PPP3R1: variants seen among roughly 807,000 people sequenced by gnomAD.
PPP3R1 encodes the protein protein phosphatase 3 regulatory subunit B, alpha.
A neutral mutation model predicts 22.6 loss-of-function variants in PPP3R1; 5 were observed. The ratio of observed to expected loss-of-function variants is 0.22; its 90% CI spans 0.12 to 0.46. The LOEUF (loss-of-function observed/expected upper bound fraction) is 0.46. Ranked by LOEUF, PPP3R1 falls within the 20% of genes least tolerant of loss-of-function variation. The pLI is 0.99. For missense variants in PPP3R1, 61 were observed against 203.2 expected (o/e 0.30, Z 4.25); for synonymous variants, 56 against 65.2 (o/e 0.86, Z 0.68).
rs1674381265 is a variant in PPP3R1 at position 68,180,630 on chromosome 2, TATAA to T, written c.*329_*332del. On this transcript the variant is annotated 3_prime_UTR_variant, in exon 6 of 6. Coordinates refer to ENST00000234310, the MANE Select transcript of PPP3R1 (RefSeq NM_000945.4). ...ATATAGAAAGCTACATATATCTATA[TATAA>T]ATATTTACATATGTATATATAGATA... The T allele has an allele frequency of 1.2e-5, 2 of 160,678 alleles. No homozygotes were observed. The highest frequency in any genetic ancestry group is 2.0e-4 in the South Asian group (1 of 5,080). 10.0% of individuals were successfully genotyped at this position (160,678 alleles called of 1,614,324 possible).
chr2:68,189,554 T>C (rs966338311), intron 2 of PPP3R1, among the ~76,000 whole-genome samples: 3 of 152,152 alleles, frequency 2.0e-5, no homozygotes, highest in African/African-American at 7.2e-5. Context: ...ATAGAAATAA[T>C]TACAAATATA....
chr2:68,225,833 A>AGT (rs1264076197), intron 1 of PPP3R1, among the ~76,000 whole-genome samples: 1 of 152,246 alleles, frequency 6.6e-6, no homozygotes, highest in Non-Finnish European at 1.5e-5. Flanking sequence ...TTGGACTCTT[A>AGT]GTGTAACCAG....
rs1270325391 is a variant in PPP3R1, at chr2:68,180,546, TG to T, written c.*416del. On this transcript the variant is annotated 3_prime_UTR_variant, in exon 6 of 6. Transcript: ENST00000234310. ...TGTTTTATGTTCTGCTTGGCACTTT[TG>T]TACTCTATTGTTTTGTTTCTGAATC... 6.5e-6 allele frequency: 1 copy of T among 152,998 alleles called. No homozygotes were observed. Among genetic ancestry groups the T allele is most frequent in the Non-Finnish European group, 1.5e-5 (1 of 68,330 alleles). The allele number at this position is 152,998 out of a possible 1,614,324, so 9.5% of individuals were successfully genotyped here.
At chr2:68,234,177 A>G (rs1265459839) in intron 1 of PPP3R1, among the ~76,000 whole-genome samples, 1 of 152,126 alleles carries the variant, frequency 6.6e-6, no homozygotes, top group African/African-American at 2.4e-5. Context: ...CCCCGTCTCT[A>G]GTAAAAATAA....
chr2:68,246,175 A>G (rs1670234367), intron 1 of PPP3R1, among the ~76,000 whole-genome samples: 1 of 144,910 alleles, frequency 6.9e-6, no homozygotes, highest in African/African-American at 2.6e-5. Context: ...CCCGGGTTCA[A>G]GTGATTCTCC....
rs750643360 is a variant in PPP3R1, at chr2:68,232,096, T to TAA, written c.4-14967_4-14966dup. On this transcript the variant is annotated intron_variant, in intron 1 of 5. Transcript: ENST00000234310. ...ACAACATGGGAATACCCGTATCTAC[T>TAA]AAAAAAAAAAAAATATATATATATA... Among the ~76,000 whole-genome samples the TAA allele has an allele frequency of 4.8e-3, 358 of 73,910 alleles. 11 individuals carry two copies. The highest frequency in any genetic ancestry group is 0.017 in the African/African-American group (339 of 19,422). The allele number at this position is 73,910 out of a possible 152,430, so 48.5% of individuals were successfully genotyped here. A position where few individuals can be genotyped will look rare whatever the true frequency, so the allele number is the denominator to read the frequency against.
intron 2 of PPP3R1, among the ~76,000 whole-genome samples, chr2:68,189,757 TACTC>T (rs1301209402): frequency 4.6e-5 from 7 of 152,038 alleles, no homozygotes; most frequent in Admixed American, 3.9e-4. Context: ...TAATCCCAGA[TACTC>T]AGGAGGCTGA....
intron 1 of PPP3R1, among the ~76,000 whole-genome samples, chr2:68,218,910 C>G (rs1572967062): frequency 6.6e-6 from 1 of 152,034 alleles, no homozygotes. Flanking sequence ...TGTATCATTC[C>G]CAACTAGACA....
chr2:68,227,604 C>G (rs1310682674), intron 1 of PPP3R1, among the ~76,000 whole-genome samples: 1 of 151,594 alleles, frequency 6.6e-6, no homozygotes, highest in Non-Finnish European at 1.5e-5. Context: ...CTTAAAATTT[C>G]TAGTCTGATA....
At chr2:68,195,058 G>C (rs1293183185) in intron 2 of PPP3R1, among the ~76,000 whole-genome samples, 2 of 152,106 alleles carry the variant, frequency 1.3e-5, no homozygotes, top group Admixed American at 6.5e-5. Context: ...CATGTATGTG[G>C]TTTAATATTC....
chr2:68,197,915 G>T (rs1482907319), intron 2 of PPP3R1, among the ~76,000 whole-genome samples: 4 of 150,974 alleles, frequency 2.6e-5, no homozygotes, highest in African/African-American at 9.7e-5. Context: ...TTTTCTTCTA[G>T]ATGTTCCATT....
intron 1 of PPP3R1, among the ~76,000 whole-genome samples, chr2:68,230,191 C>T (rs1177325446): frequency 6.6e-6 from 1 of 152,104 alleles, no homozygotes; most frequent in African/African-American, 2.4e-5. Context: ...ACAGGTTTCA[C>T]CATGTTGCCC....
chr2:68,207,114 C>CAAAA (rs11414850), intron 2 of PPP3R1, among the ~76,000 whole-genome samples: 3 of 134,792 alleles, frequency 2.2e-5, no homozygotes, highest in Non-Finnish European at 3.1e-5. Flanking sequence ...AAAAAAAAAG[C>CAAAA]AAAAAAAAAA....
At chr2:68,184,623 C>A (rs1219290963) in intron 5 of PPP3R1, among the ~76,000 whole-genome samples, 1 of 152,172 alleles carries the variant, frequency 6.6e-6, no homozygotes, top group Non-Finnish European at 1.5e-5. Context: ...TTTAAAATAA[C>A]TTCCAATCTT....
At chr2:68,202,439 T>TTGTTG (rs1558632451) in intron 2 of PPP3R1, among the ~76,000 whole-genome samples, 1 of 94,040 alleles carries the variant, frequency 1.1e-5, no homozygotes, top group Non-Finnish European at 2.5e-5. Flanking sequence ...TGTTGTTGTT[T>TTGTTG]TTTGAGATGG....
rs868069281 is a variant in PPP3R1 at position 68,232,276 on chromosome 2, T to C, written c.4-15145A>G. Among the ~76,000 whole-genome samples, 236 of 118,750 alleles carry C rather than the reference T, an allele frequency of 2.0e-3. 2 individuals carry two copies. Among genetic ancestry groups the C allele is most frequent in the Middle Eastern group, 0.013 (3 of 226 alleles). 77.9% of individuals were successfully genotyped at this position (118,750 alleles called of 152,430 possible). On this transcript the variant is annotated intron_variant, in intron 1 of 5. Coordinates refer to ENST00000234310, the MANE Select transcript of PPP3R1 (RefSeq NM_000945.4). ...GTGTGTGTGTGTGTGTATATATATATACACACACACAAAAATTAGCCAGGC... is the reference window on the plus strand; with the variant it reads ...GTGTGTGTGTGTGTGTATATATATACACACACACACAAAAATTAGCCAGGC...
chr2:68,232,106 A>AT lies in PPP3R1; in HGVS notation c.4-14976_4-14975insA, dbSNP rs1250149943. Among the ~76,000 whole-genome samples, 161 of 80,162 alleles carry AT rather than the reference A, an allele frequency of 2.0e-3. 4 individuals are homozygous for AT. The South Asian group carries it at 0.023, about 11-fold the overall frequency. The allele number at this position is 80,162 out of a possible 152,430, so 52.6% of individuals were successfully genotyped here. On this transcript the variant is annotated intron_variant, in intron 1 of 5. Coordinates refer to ENST00000234310, the MANE Select transcript of PPP3R1 (RefSeq NM_000945.4). ...AATACCCGTATCTACTAAAAAAAAAAAAATATATATATATATATACACACA... is the reference window on the plus strand; with the variant it reads ...AATACCCGTATCTACTAAAAAAAAAATAAATATATATATATATATACACACA...
At chr2:68,209,075 T>C (rs1398068748) in intron 2 of PPP3R1, among the ~76,000 whole-genome samples, 1 of 151,236 alleles carries the variant, frequency 6.6e-6, no homozygotes, top group Non-Finnish European at 1.5e-5. Flanking sequence ...ACTGTGGAAG[T>C]TGGCCGGGCG....
intron 1 of PPP3R1, among the ~76,000 whole-genome samples, chr2:68,243,699 T>C (rs1670175694): frequency 6.6e-6 from 1 of 152,172 alleles, no homozygotes; most frequent in Non-Finnish European, 1.5e-5. Context: ...ACTATAAAAT[T>C]GTTACCTAAT....
Sources: allele counts gnomAD v4.1 joint callset (sites outside exome capture counted in the v4.1 genomes callset), GRCh38; gene constraint gnomAD v4.1.1; transcripts MANE v1.5; gene names NCBI Gene and HGNC (gene_info 2026-07-23, HGNC 2026-07-21).